Variants in STPG2 observed in about 807,000 individuals in gnomAD.
STPG2 encodes sperm tail PG-rich repeat containing 2.
Under a neutral mutation model 54.2 loss-of-function variants are expected in STPG2, and 56 were observed. That is an observed-to-expected ratio of 1.03 (90% CI 0.83 to 1.29). The LOEUF (loss-of-function observed/expected upper bound fraction) is 1.29. STPG2 is among the 50% of genes most tolerant of loss of function. STPG2 has a pLI of 0.00. For missense variants in STPG2, 596 were observed against 544.9 expected, an observed-to-expected ratio of 1.09 and a Z score of -0.93; for synonymous variants, 200 against 181.8, an observed-to-expected ratio of 1.10 and a Z score of -0.81.
At chr4:97,927,501 T>C (rs1254350093) in intron 8 of STPG2, among the ~76,000 whole-genome samples, 2 of 152,122 alleles carry the variant, frequency 1.3e-5, no homozygotes, top group South Asian at 2.1e-4. Flanking sequence ...TTTATGATGC[T>C]GAATCCTCTC....
chr4:97,981,313 A>G lies in STPG2; in HGVS notation c.618T>C (p.Phe206=). ...CCGGGGTGATTGATTTCATAGGTAAAAATCTCTAGTGAAGAACAGGAAAAT... is the reference window on the plus strand; with the variant it reads ...CCGGGGTGATTGATTTCATAGGTAAGAATCTCTAGTGAAGAACAGGAAAAT... ...IIVLQEKKKR[F]LPMKSITPAP... is the part of the protein sequence containing the mutation. Residue 206 remains phenylalanine (F), a synonymous_variant, in exon 6 of 11, where the codon TTT becomes TTC. Coordinates refer to ENST00000295268, the MANE Select transcript of STPG2 (RefSeq NM_174952.3). The G allele has an allele frequency of 4.3e-6, 7 of 1,613,786 alleles. No individual in the cohort carries two copies. The highest frequency in any genetic ancestry group is 5.9e-6 in the Non-Finnish European group (7 of 1,179,874).
intron 4 of STPG2, among the ~76,000 whole-genome samples, chr4:97,527,111 T>C (rs1731298032): frequency 6.6e-6 from 1 of 151,882 alleles, no homozygotes; most frequent in South Asian, 2.1e-4. Context: ...CAACCCGTCA[T>C]CAACATTAGG....
intron 10 of STPG2, among the ~76,000 whole-genome samples, chr4:97,695,289 A>G (rs1489349115): frequency 6.6e-6 from 1 of 152,208 alleles, no homozygotes; most frequent in East Asian, 1.9e-4. Context: ...GACAAAATCC[A>G]GCATCCCTTT....
intron 5 of STPG2, among the ~76,000 whole-genome samples, chr4:98,032,692 A>G (rs781093803): frequency 1.1e-4 from 16 of 152,182 alleles, no homozygotes; most frequent in Admixed American, 8.5e-4. Context: ...CATAATTGGA[A>G]GTAAAACACT....
intron 10 of STPG2, among the ~76,000 whole-genome samples, chr4:97,640,883 A>C (rs1721746645): frequency 6.6e-6 from 1 of 151,670 alleles, no homozygotes; most frequent in African/African-American, 2.4e-5. Context: ...AGACACAGTC[A>C]AGAAAATAGG....
chr4:97,975,347 T>C (rs1378571500), intron 6 of STPG2, among the ~76,000 whole-genome samples: 1 of 152,140 alleles, frequency 6.6e-6, no homozygotes, highest in African/African-American at 2.4e-5. Flanking sequence ...TTTCAAATAA[T>C]ACAGCAGCAA....
intron 9 of STPG2, among the ~76,000 whole-genome samples, chr4:97,783,868 T>C (rs1274992826): frequency 1.3e-5 from 2 of 150,830 alleles, no homozygotes; most frequent in Non-Finnish European, 3.0e-5. Flanking sequence ...GTGGGAACAA[T>C]GCGAACACTT....
At chr4:97,948,522 G>A (rs1002587269) in intron 7 of STPG2, among the ~76,000 whole-genome samples, 3 of 151,918 alleles carry the variant, frequency 2.0e-5, no homozygotes, top group Non-Finnish European at 2.9e-5. Context: ...GTCAGTTTGT[G>A]GTCTTTCAGG....
At chr4:97,556,768 G>A (rs1732087213), downstream of STPG2, among the ~76,000 whole-genome samples, 1 of 152,066 alleles carries the variant, frequency 6.6e-6, no homozygotes, top group South Asian at 2.1e-4. Context: ...AAAATTAAAA[G>A]TCTCTCCTTG....
intron 8 of STPG2, among the ~76,000 whole-genome samples, chr4:97,900,295 A>G (rs1336998105): frequency 6.6e-6 from 1 of 151,964 alleles, no homozygotes; most frequent in Non-Finnish European, 1.5e-5. Context: ...AAGGTTGCAG[A>G]AAAAGAAATG....
intron 5 of STPG2, among the ~76,000 whole-genome samples, chr4:98,053,420 T>G (rs970235101): frequency 2.0e-5 from 3 of 152,102 alleles, no homozygotes; most frequent in African/African-American, 7.2e-5. Flanking sequence ...TCCATATCCT[T>G]TAATATTCTG....
chr4:98,057,735 C>A (rs538106420), intron 5 of STPG2, among the ~76,000 whole-genome samples: 2 of 152,152 alleles, frequency 1.3e-5, no homozygotes, highest in East Asian at 3.9e-4. Context: ...AGAAGATCAT[C>A]CTCAAGACAC....
Position 97,681,455 on chromosome 4 carries a change from A to T in STPG2, c.1320+31244T>A, listed in dbSNP as rs114157596. ...TTCACTGCCTAAAATAAAGAAAAAA[A>T]TTTTTTAAATTAATCTGTGACAGAT... is the stretch of plus-strand genomic sequence containing the variant. On this transcript the variant is annotated intron_variant, in intron 10 of 10. Coordinates refer to ENST00000295268, the MANE Select transcript of STPG2 (RefSeq NM_174952.3). Among the ~76,000 whole-genome samples, 1,249 of 151,942 alleles carry T rather than the reference A, an allele frequency of 8.2e-3. 4 individuals are homozygous for T. The highest frequency in any genetic ancestry group is 0.02 in the Middle Eastern group (6 of 294).
intron 10 of STPG2, among the ~76,000 whole-genome samples, chr4:97,646,988 T>C (rs1298191178): frequency 6.6e-6 from 1 of 152,154 alleles, no homozygotes; most frequent in Non-Finnish European, 1.5e-5. Flanking sequence ...ACATTGTTCA[T>C]AGTGCTGACT....
intron 8 of STPG2, among the ~76,000 whole-genome samples, chr4:97,904,172 A>T (rs1439433311): frequency 6.6e-6 from 1 of 152,212 alleles, no homozygotes; most frequent in Non-Finnish European, 1.5e-5. Context: ...AAAAGACAGC[A>T]GTAACCTCTG....
chr4:97,770,513 T>C (rs1283581211), intron 9 of STPG2, among the ~76,000 whole-genome samples: 6 of 152,324 alleles, frequency 3.9e-5, no homozygotes, highest in Middle Eastern at 3.4e-3. Context: ...ATAAGGATTT[T>C]GTTTTTTTAA....
intron 9 of STPG2, among the ~76,000 whole-genome samples, chr4:97,810,933 A>G (rs1727716304): frequency 6.6e-6 from 1 of 152,024 alleles, no homozygotes. Flanking sequence ...CATAAAACAC[A>G]TTTTTCCTAA....
At chr4:98,048,947 C>T (rs1051238420) in intron 5 of STPG2, 1 of 152,438 alleles carries the variant, frequency 6.6e-6, no homozygotes, top group African/African-American at 2.4e-5. Flanking sequence ...TTGCACAGCT[C>T]ATTTATGAAT....
rs538036870 is a variant in STPG2 at position 97,618,964 on chromosome 4, A to T, written c.1321-59847T>A. Among the ~76,000 whole-genome samples, 11 of 152,308 alleles carry T rather than the reference A, an allele frequency of 7.2e-5. No individual in the cohort carries two copies. The South Asian group carries it at 2.3e-3, about 32-fold the overall frequency. ...AACATAGCTCAATGATTTATTACTA[A>T]GTAACTTACAAACATCAGTTCAAAA... On this transcript the variant is annotated intron_variant, in intron 10 of 10. Coordinates refer to ENST00000295268, the MANE Select transcript of STPG2 (RefSeq NM_174952.3).
Sources: allele counts gnomAD v4.1 joint callset (sites outside exome capture counted in the v4.1 genomes callset), GRCh38; gene constraint gnomAD v4.1.1; transcripts MANE v1.5; gene names NCBI Gene and HGNC (gene_info 2026-07-23, HGNC 2026-07-21).